The following OTULINL variants were observed in gnomAD, a reference collection of about 807,000 sequenced individuals.
OTULINL encodes the protein inactive ubiquitin thioesterase OTULINL.
Under a neutral mutation model 43.9 loss-of-function variants are expected in OTULINL, and 42 were observed. The ratio of observed to expected loss-of-function variants is 0.96; its 90% CI spans 0.75 to 1.24. OTULINL has a LOEUF of 1.24. Ranked by LOEUF, OTULINL falls within the 50% of genes most tolerant of loss-of-function variation. The pLI is 0.00. For synonymous variants in OTULINL, 172 were observed against 153.6 expected, an observed-to-expected ratio of 1.12 and a Z score of -0.88; for missense variants, 411 against 426.4, an observed-to-expected ratio of 0.96 and a Z score of 0.32.
Position 14,612,908 on chromosome 5 carries a change from A to T in OTULINL, c.*2594A>T, listed in dbSNP as rs535064581. Among the ~76,000 whole-genome samples the T allele has an allele frequency of 7.3e-6, 1 of 137,268 alleles. No individual in the cohort carries two copies. Among genetic ancestry groups the T allele is most frequent in the Non-Finnish European group, 1.6e-5 (1 of 64,422 alleles). The allele number at this position is 137,268 out of a possible 152,430, so 90.1% of individuals were successfully genotyped here. A position where few individuals can be genotyped will look rare whatever the true frequency, so the allele number is the denominator to read the frequency against. ...TTTACTGTGGTAAAATACACATAACATATAGTTTATATTTTAACAATTTTT... is the reference window on the plus strand; with the variant it reads ...TTTACTGTGGTAAAATACACATAACTTATAGTTTATATTTTAACAATTTTT... On this transcript the variant is annotated 3_prime_UTR_variant, in exon 8 of 8. Transcript: ENST00000274217.
intron 1 of OTULINL, among the ~76,000 whole-genome samples, chr5:14,591,854 A>G (rs1759209460): frequency 6.6e-6 from 1 of 152,206 alleles, no homozygotes; most frequent in Admixed American, 6.5e-5. Context: ...TTGTTTTTAC[A>G]TGGCCTATGA....
chr5:14,596,205 G>A (rs1759285005), intron 1 of OTULINL, among the ~76,000 whole-genome samples: 1 of 152,016 alleles, frequency 6.6e-6, no homozygotes, highest in African/African-American at 2.4e-5. Flanking sequence ...CTTTTTTTAT[G>A]TAGAATGACT....
At position 14,610,291 on chromosome 5, in the gene OTULINL, C is replaced by T; in HGVS notation, c.1048C>T (p.His350Tyr). 6.2e-7 allele frequency: 1 copy of T among 1,613,198 alleles called. No individual in the cohort carries two copies. The highest frequency in any genetic ancestry group is 8.5e-7 in the Non-Finnish European group (1 of 1,180,030). ...EISLLTENDR[H>Y]YHIPVF ...CTCCCTGCTGACCGAGAACGACCGC[C>T]ACTACCACATTCCAGTCTTTTAAGT... The change falls in exon 8 of 8, where the codon CAC (histidine) becomes TAC (tyrosine). Residue 350 changes from histidine (H) to tyrosine (Y), a missense_variant. Coordinates refer to ENST00000274217, the MANE Select transcript of OTULINL (RefSeq NM_019018.3).
Position 14,601,197 on chromosome 5 carries a change from C to T in OTULINL, c.225-16C>T, listed in dbSNP as rs373836159. ...AAAGCAGAATTCTGATATTATTGTTCCCTTTTATCTTTCAGGTGGATTGGA... is the reference window on the plus strand; with the variant it reads ...AAAGCAGAATTCTGATATTATTGTTTCCTTTTATCTTTCAGGTGGATTGGA... On this transcript the variant is annotated splice_polypyrimidine_tract_variant and intron_variant, in intron 2 of 7. Coordinates refer to ENST00000274217, the MANE Select transcript of OTULINL (RefSeq NM_019018.3). 6 of 1,611,662 alleles carry T rather than the reference C, an allele frequency of 3.7e-6. No individual in the cohort carries two copies. Among genetic ancestry groups the T allele is most frequent in the Non-Finnish European group, 4.2e-6 (5 of 1,179,254 alleles).
At chr5:14,608,286 A>G (rs1318389811) in intron 6 of OTULINL, among the ~76,000 whole-genome samples, 1 of 152,232 alleles carries the variant, frequency 6.6e-6, no homozygotes, top group East Asian at 1.9e-4. Context: ...TTGATTTTTC[A>G]CAGTTCTGGA....
rs1250808046 is a variant in OTULINL, at chr5:14,608,922, T to G, written c.802T>G (p.Phe268Val). The change falls in exon 7 of 8, where the codon TTT becomes GTT. Residue 268 changes from phenylalanine (F) to valine (V), a missense_variant. Transcript: ENST00000274217. ...MKTKKVIPSL[F>V]RLLFSRETSS... ...GACTAAAAAGGTCATTCCCAGTCTT[T>G]TTAGACTCCTGTTTTCCAGGGAGAC... is the stretch of plus-strand genomic sequence containing the variant. 2 of 1,614,172 alleles carry G rather than the reference T, an allele frequency of 1.2e-6. No homozygotes were observed. The highest frequency in any genetic ancestry group is 2.7e-5 in the African/African-American group (2 of 75,064).
chr5:14,610,470 G>A lies in OTULINL; in HGVS notation c.*156G>A, dbSNP rs1759563901. ...CACTGGATGCAGCCATGCATGGATG[G>A]TTTTTCTTTATTTTTCAGTGATTTC... is the stretch of plus-strand genomic sequence containing the variant. On this transcript the variant is annotated 3_prime_UTR_variant, in exon 8 of 8. Coordinates refer to ENST00000274217, the MANE Select transcript of OTULINL (RefSeq NM_019018.3). 2 of 717,546 alleles carry A rather than the reference G, an allele frequency of 2.8e-6. No individual in the cohort carries two copies. Among genetic ancestry groups the A allele is most frequent in the South Asian group, 4.1e-5 (2 of 48,524 alleles). The allele number at this position is 717,546 out of a possible 1,614,324, so 44.4% of individuals were successfully genotyped here.
rs114694172 is a variant in OTULINL at position 14,605,088 on chromosome 5, C to T, written c.499-2242C>T. ...GCAGAGGTTCTCCATGAGTGCCCTT[C>T]CCCTGCAGCAAACTTCTGCCTGGAC... On this transcript the variant is annotated intron_variant, in intron 5 of 7. Coordinates refer to ENST00000274217, the MANE Select transcript of OTULINL (RefSeq NM_019018.3). Among the ~76,000 whole-genome samples the T allele has an allele frequency of 8.8e-3, 1,343 of 152,328 alleles. 16 individuals are homozygous for T. Among genetic ancestry groups the T allele is most frequent in the African/African-American group, 0.031 (1,285 of 41,566 alleles).
chr5:14,603,076 T>C (rs1759416876), intron 5 of OTULINL, among the ~76,000 whole-genome samples: 1 of 152,234 alleles, frequency 6.6e-6, no homozygotes, highest in Non-Finnish European at 1.5e-5. Flanking sequence ...AATGGAATCA[T>C]TCAGTATGTA....
rs1371759248 is a variant in OTULINL, at chr5:14,612,463, A to C, written c.*2149A>C. ...GGGGGCAAGAATTCTTTAGAGAACC[A>C]AGTTGCGAGAAAGATTTCAATCCAG... On this transcript the variant is annotated 3_prime_UTR_variant, in exon 8 of 8. Coordinates refer to ENST00000274217, the MANE Select transcript of OTULINL (RefSeq NM_019018.3). The C allele has an allele frequency of 2.0e-5, 3 of 152,248 alleles. No homozygotes were observed. The highest frequency in any genetic ancestry group is 7.2e-5 in the African/African-American group (3 of 41,468). The allele number at this position is 152,248 out of a possible 1,614,324, so 9.4% of individuals were successfully genotyped here.
intron 1 of OTULINL, among the ~76,000 whole-genome samples, chr5:14,584,045 A>C (rs1329426396): frequency 6.6e-6 from 1 of 152,244 alleles, no homozygotes. Flanking sequence ...TTGGAAGATC[A>C]CTTAGTGGAG....
Position 14,608,639 on chromosome 5 carries a change from A to G in OTULINL, c.628-109A>G, listed in dbSNP as rs1360441549. On this transcript the variant is annotated intron_variant, in intron 6 of 7. Coordinates refer to ENST00000274217, the MANE Select transcript of OTULINL (RefSeq NM_019018.3). ...ATAGAAAGTGAAGAGTTAAAGTTCC[A>G]CTTTTTTCTATTAATCTTTGGTTTA... 6.4e-6 allele frequency: 6 copies of G among 936,918 alleles called. No homozygotes were observed. The East Asian group carries it at 1.3e-4, about 21-fold the overall frequency. 58.0% of individuals were successfully genotyped at this position (936,918 alleles called of 1,614,324 possible).
chr5:14,585,093 A>G (rs1004028557), intron 1 of OTULINL, among the ~76,000 whole-genome samples: 1 of 152,150 alleles, frequency 6.6e-6, no homozygotes, highest in African/African-American at 2.4e-5. Context: ...TTATTCTAGA[A>G]CAAGTGCCTT....
At chr5:14,591,250 A>T (rs551650816) in intron 1 of OTULINL, among the ~76,000 whole-genome samples, 1 of 152,338 alleles carries the variant, frequency 6.6e-6, no homozygotes, top group Non-Finnish European at 1.5e-5. Flanking sequence ...CATGATCTGG[A>T]TAATCCTTTG....
At chr5:14,597,969 G>A (rs1439105121) in intron 1 of OTULINL, among the ~76,000 whole-genome samples, 1 of 152,164 alleles carries the variant, frequency 6.6e-6, no homozygotes, top group African/African-American at 2.4e-5. Flanking sequence ...AGGGCATGTG[G>A]TAGGAAGAGT....
In OTULINL at chr5:14,611,428, C is replaced by T. The variant is rs1439759096; in HGVS notation, c.*1114C>T. On this transcript the variant is annotated 3_prime_UTR_variant, in exon 8 of 8. Transcript: ENST00000274217. ...TGGCTTTGAAGATGGAGGAAGGGGCCATAAGCCAGGGAGTTGCAGGCAGCC... is the reference window on the plus strand; with the variant it reads ...TGGCTTTGAAGATGGAGGAAGGGGCTATAAGCCAGGGAGTTGCAGGCAGCC... 6.6e-6 allele frequency: 1 copy of T among 152,146 alleles called. No homozygotes were observed. Among genetic ancestry groups the T allele is most frequent in the Non-Finnish European group, 1.5e-5 (1 of 68,054 alleles). The allele number at this position is 152,146 out of a possible 1,614,324, so 9.4% of individuals were successfully genotyped here.
rs1197135622 is a variant in OTULINL at position 14,613,209 on chromosome 5, A to G, written c.*2895A>G. Among the ~76,000 whole-genome samples the G allele has an allele frequency of 6.6e-6, 1 of 152,190 alleles. No homozygotes were observed. The highest frequency in any genetic ancestry group is 2.4e-5 in the African/African-American group (1 of 41,464). ...AGTGCTGGGATTACGGGTGTGAGCCACTGCGCCCGGCCCTAACAATTTTTA... is the reference window on the plus strand; with the variant it reads ...AGTGCTGGGATTACGGGTGTGAGCCGCTGCGCCCGGCCCTAACAATTTTTA... On this transcript the variant is annotated 3_prime_UTR_variant, in exon 8 of 8. Transcript: ENST00000274217.
chr5:14,605,073 TC>T (rs1759450586), intron 5 of OTULINL, among the ~76,000 whole-genome samples: 1 of 152,206 alleles, frequency 6.6e-6, no homozygotes. Flanking sequence ...GCAGAGGTTC[TC>T]CATGAGTGCC....
rs761079930 is a variant in OTULINL at position 14,611,752 on chromosome 5, A to C, written c.*1438A>C. ...GCTAGTCTGTTTTGAGTTTCAGTAC[A>C]TAAGAATAATTTTTAAAATCTTGCT... On this transcript the variant is annotated 3_prime_UTR_variant, in exon 8 of 8. Coordinates refer to ENST00000274217, the MANE Select transcript of OTULINL (RefSeq NM_019018.3). The C allele has an allele frequency of 3.3e-5, 5 of 152,148 alleles. No individual in the cohort carries two copies. Among genetic ancestry groups the C allele is most frequent in the Non-Finnish European group, 7.4e-5 (5 of 68,026 alleles). 9.4% of individuals were successfully genotyped at this position (152,148 alleles called of 1,614,324 possible).
Sources: allele counts gnomAD v4.1 joint callset (sites outside exome capture counted in the v4.1 genomes callset), GRCh38; gene constraint gnomAD v4.1.1; transcripts MANE v1.5; gene names NCBI Gene and HGNC (gene_info 2026-07-23, HGNC 2026-07-21).